Variants in ROBO2 observed in about 807,000 individuals in gnomAD.
The protein encoded by ROBO2 is roundabout homolog 2.
ROBO2 carries 53 observed loss-of-function variants against 160.8 expected under a neutral mutation model. The ratio of observed to expected loss-of-function variants is 0.33; its 90% CI spans 0.26 to 0.41. The LOEUF (loss-of-function observed/expected upper bound fraction) is 0.41. Ranked by LOEUF, ROBO2 falls within the 10% of genes least tolerant of loss-of-function variation. ROBO2 has a pLI of 1.00. For synonymous variants in ROBO2, 664 were observed against 611.7 expected, an observed-to-expected ratio of 1.09 and a Z score of -1.26; for missense variants, 1,577 against 1,722.4, an observed-to-expected ratio of 0.92 and a Z score of 1.49.
chr3:77,120,224 A>G lies in ROBO2; in HGVS notation c.388+21884A>G, dbSNP rs1344424431. 2.6e-5 allele frequency among the ~76,000 whole-genome samples: 4 copies of G among 152,296 alleles called. No individual in the cohort carries two copies. The East Asian group carries it at 7.7e-4, about 29-fold the overall frequency. ...TTTATTCCATGTGTCCGGCATGAAC[A>G]TTTGTCCTACGGGCAAGGTAGTTTG... is the stretch of plus-strand genomic sequence containing the variant. On this transcript the variant is annotated intron_variant, in intron 2 of 25. Transcript: ENST00000461745.
chr3:76,212,444 T>C (rs893089537), intron 2 of ROBO2, among the ~76,000 whole-genome samples: 4 of 152,022 alleles, frequency 2.6e-5, no homozygotes, highest in African/African-American at 9.7e-5. Context: ...TCAGAAAATA[T>C]AATTTAAAAT....
chr3:76,032,533 T>G (rs56182305), intron 2 of ROBO2, among the ~76,000 whole-genome samples: 8,938 of 152,258 alleles, frequency 0.059, 831 homozygotes, highest in African/African-American at 0.19. Context: ...TTTAAGTGTG[T>G]CCCAGAAATT....
chr3:77,645,599 G>A (rs935090535), intron 25 of ROBO2, among the ~76,000 whole-genome samples: 1 of 152,060 alleles, frequency 6.6e-6, no homozygotes, highest in Non-Finnish European at 1.5e-5. Flanking sequence ...TGCCTCATCA[G>A]AAAAATAGCA....
At chr3:77,217,555 G>T (rs1472264873) in intron 2 of ROBO2, among the ~76,000 whole-genome samples, 1 of 152,150 alleles carries the variant, frequency 6.6e-6, no homozygotes, top group Non-Finnish European at 1.5e-5. Context: ...TTTGCTCCTG[G>T]TCATCTTCTG....
At chr3:76,053,188 A>G (rs531338559) in intron 2 of ROBO2, among the ~76,000 whole-genome samples, 1 of 152,020 alleles carries the variant, frequency 6.6e-6, no homozygotes, top group Non-Finnish European at 1.5e-5. Context: ...TTTTTACGTT[A>G]AAGTACATGA....
intron 2 of ROBO2, among the ~76,000 whole-genome samples, chr3:77,476,112 A>G (rs2083963578): frequency 6.6e-6 from 1 of 152,204 alleles, no homozygotes; most frequent in African/African-American, 2.4e-5. Context: ...CGAGAAAAGA[A>G]AAACCCTGAA....
chr3:76,713,055 G>A (rs1466763811), intron 2 of ROBO2, among the ~76,000 whole-genome samples: 1 of 152,094 alleles, frequency 6.6e-6, no homozygotes, highest in Non-Finnish European at 1.5e-5. Context: ...TAAGTTAATT[G>A]TCTTTTAAAA....
intron 2 of ROBO2, among the ~76,000 whole-genome samples, chr3:76,873,883 G>C (rs939285346): frequency 2.0e-5 from 3 of 152,120 alleles, no homozygotes; most frequent in Non-Finnish European, 4.4e-5. Flanking sequence ...TGTATCTGAA[G>C]TTTACCACCC....
intron 2 of ROBO2, among the ~76,000 whole-genome samples, chr3:76,149,284 C>G (rs187852000): frequency 6.6e-6 from 1 of 152,228 alleles, no homozygotes; most frequent in East Asian, 1.9e-4. Context: ...TGTATCAGAA[C>G]ATTATCACTT....
At chr3:76,857,745 C>T (rs751928953) in intron 2 of ROBO2, among the ~76,000 whole-genome samples, 12 of 152,158 alleles carry the variant, frequency 7.9e-5, no homozygotes, top group African/African-American at 2.9e-4. Flanking sequence ...CTCATATGAT[C>T]ATGCAACTCA....
chr3:76,114,258 G>C (rs1457641987), intron 2 of ROBO2, among the ~76,000 whole-genome samples: 1 of 152,028 alleles, frequency 6.6e-6, no homozygotes, highest in East Asian at 1.9e-4. Context: ...AATTATCTTG[G>C]AGCCCAAGTA....
chr3:77,633,830 G>C (rs929513323), intron 23 of ROBO2: 1 of 152,204 alleles, frequency 6.6e-6, no homozygotes, highest in Non-Finnish European at 1.5e-5. Flanking sequence ...TATGTTGCTT[G>C]AGTGCTTTTT....
intron 2 of ROBO2, among the ~76,000 whole-genome samples, chr3:77,116,016 G>A (rs2074162064): frequency 6.6e-6 from 1 of 152,150 alleles, no homozygotes; most frequent in Non-Finnish European, 1.5e-5. Flanking sequence ...TTAAACAAGT[G>A]TGAATAAACA....
intron 2 of ROBO2, among the ~76,000 whole-genome samples, chr3:77,397,186 C>T (rs766512964): frequency 8.6e-5 from 13 of 152,006 alleles, no homozygotes; most frequent in South Asian, 2.1e-4. Flanking sequence ...TGTTCATATT[C>T]GGGAACTGTA....
chr3:77,509,820 A>G (rs890805359), intron 5 of ROBO2, among the ~76,000 whole-genome samples: 1 of 152,060 alleles, frequency 6.6e-6, no homozygotes, highest in Non-Finnish European at 1.5e-5. Flanking sequence ...AAGTAACTGT[A>G]CTAAGTTCTG....
chr3:76,551,533 C>T (rs2083422880), intron 2 of ROBO2, among the ~76,000 whole-genome samples: 1 of 152,120 alleles, frequency 6.6e-6, no homozygotes, highest in African/African-American at 2.4e-5. Context: ...AAACACGCCC[C>T]CCACCCTACT....
intron 2 of ROBO2, among the ~76,000 whole-genome samples, chr3:77,300,348 A>G (rs980928853): frequency 6.6e-6 from 1 of 152,106 alleles, no homozygotes; most frequent in Non-Finnish European, 1.5e-5. Flanking sequence ...AAAATAATCA[A>G]TAGTACCTTA....
chr3:77,618,893 G>A (rs2094840105), intron 22 of ROBO2, among the ~76,000 whole-genome samples: 1 of 152,148 alleles, frequency 6.6e-6, no homozygotes, highest in South Asian at 2.1e-4. Flanking sequence ...ACATCACTAT[G>A]TAAGTTGAAG....
chr3:76,086,550 A>T (rs2069019864), intron 2 of ROBO2, among the ~76,000 whole-genome samples: 1 of 151,986 alleles, frequency 6.6e-6, no homozygotes, highest in Admixed American at 6.6e-5. Flanking sequence ...AATACTAATA[A>T]CTTCCTCTAC....
Sources: allele counts gnomAD v4.1 joint callset (sites outside exome capture counted in the v4.1 genomes callset), GRCh38; gene constraint gnomAD v4.1.1; transcripts MANE v1.5; gene names NCBI Gene and HGNC (gene_info 2026-07-23, HGNC 2026-07-21).